The following CLEC4D variants were observed in gnomAD, a reference collection of about 807,000 sequenced individuals.
The protein encoded by CLEC4D is C-type (calcium dependent, carbohydrate-recognition domain) lectin, superfamily member 8.
CLEC4D carries 21 observed loss-of-function variants against 21.1 expected under a neutral mutation model. The ratio of observed to expected loss-of-function variants is 1.00; its 90% confidence interval spans 0.71 to 1.43. CLEC4D has a LOEUF of 1.43. Among genes scored for constraint, CLEC4D ranks in the 40% most tolerant of loss-of-function variants. CLEC4D has a pLI of 0.00. For synonymous variants in CLEC4D, 85 were observed against 83.1 expected (o/e 1.02, Z -0.12); for missense variants, 289 against 260.7 (o/e 1.11, Z -0.75).
At position 8,513,506 on chromosome 12, in the gene CLEC4D, T is replaced by A; in HGVS notation, c.-227T>A. 3 of 296,488 alleles carry A rather than the reference T, an allele frequency of 1.0e-5. No homozygotes were observed. The highest frequency in any genetic ancestry group is 2.2e-5 in the African/African-American group (1 of 44,640). 18.4% of individuals were successfully genotyped at this position (296,488 alleles called of 1,614,324 possible). ...ATTTCCTTTTTTTTTTTTTTTCGCCTCATCTCCCGGAATGTATCAAAGGAA... is the reference window on the plus strand; with the variant it reads ...ATTTCCTTTTTTTTTTTTTTTCGCCACATCTCCCGGAATGTATCAAAGGAA... On this transcript the variant is annotated 5_prime_UTR_variant, in exon 1 of 6. Transcript: ENST00000299665.
chr12:8,518,209 A>G lies in CLEC4D; in HGVS notation c.167A>G (p.His56Arg). The change falls in exon 3 of 6, where the codon CAC (histidine) becomes CGC (arginine). Residue 56 changes from histidine to arginine, a missense_variant. Transcript: ENST00000299665. ...CGCTGTAAGAGAGGCACAGGAGTGC[A>G]CAAGTTAGAGCACCATGCAAAGCTC... ...FSRCKRGTGV[H>R]KLEHHAKLKC... is the part of the protein sequence containing the mutation. The G allele has an allele frequency of 6.9e-7, 1 of 1,447,938 alleles. No individual in the cohort carries two copies. The highest frequency in any genetic ancestry group is 9.7e-7 in the Non-Finnish European group (1 of 1,028,530). The allele number at this position is 1,447,938 out of a possible 1,614,324, so 89.7% of individuals were successfully genotyped here.
chr12:8,525,098 T>G (rs981691410), downstream of CLEC4D, among the ~76,000 whole-genome samples: 1 of 152,232 alleles, frequency 6.6e-6, no homozygotes, highest in African/African-American at 2.4e-5. Flanking sequence ...TCGCATTTGC[T>G]GAGAAGTGCT....
intron 4 of CLEC4D, among the ~76,000 whole-genome samples, chr12:8,519,506 AC>A (rs1211573976): frequency 6.6e-6 from 1 of 152,042 alleles, no homozygotes; most frequent in African/African-American, 2.4e-5. Context: ...TCTTCCAGTG[AC>A]TTTTACTACG....
intron 2 of CLEC4D, among the ~76,000 whole-genome samples, chr12:8,517,468 G>T (rs1000246294): frequency 8.1e-6 from 1 of 123,668 alleles, no homozygotes; most frequent in Admixed American, 9.5e-5. Context: ...CCCCACAACA[G>T]GCCCCGGTGT....
downstream of CLEC4D, among the ~76,000 whole-genome samples, chr12:8,527,189 A>T (rs774550192): frequency 6.6e-6 from 1 of 152,288 alleles, no homozygotes; most frequent in African/African-American, 2.4e-5. Context: ...CACAGGGAGT[A>T]GGACCTGATT....
At chr12:8,518,980 A>G (rs369680662) in intron 3 of CLEC4D, 29 bp from the exon 4 acceptor site, 12 of 1,607,562 alleles carry the variant, frequency 7.5e-6, no homozygotes, top group Non-Finnish European at 9.3e-6. Context: ...CTCTTTTGTT[A>G]CCAATTTCCG....
intron 1 of CLEC4D, 90 bp downstream of exon 1, chr12:8,513,850 TTGA>T: frequency 1.3e-6 from 1 of 748,290 alleles, no homozygotes; most frequent in South Asian, 1.6e-5. Flanking sequence ...TTAAAGATTG[TTGA>T]TGATGACGGG....
At chr12:8,526,455 T>A (rs914959240), downstream of CLEC4D, among the ~76,000 whole-genome samples, 2 of 152,162 alleles carry the variant, frequency 1.3e-5, no homozygotes, top group African/African-American at 4.8e-5. Flanking sequence ...AACTCTGATA[T>A]CCTTTCTTCC....
intron 1 of CLEC4D, among the ~76,000 whole-genome samples, chr12:8,514,379 A>C (rs1397870242): frequency 6.6e-6 from 1 of 152,106 alleles, no homozygotes; most frequent in African/African-American, 2.4e-5. Context: ...TCATTGTGTG[A>C]AGGGACCATA....
the CLEC4D span, among the ~76,000 whole-genome samples, chr12:8,528,568 C>T: frequency 1.3e-5 from 2 of 152,116 alleles, no homozygotes; most frequent in Admixed American, 6.5e-5. Context: ...AAGACAAAGA[C>T]AGTAATTTCA....
At position 8,522,357 on chromosome 12, in the gene CLEC4D, T is replaced by G. The variant is rs1376867219; in HGVS notation, c.*1086T>G. The G allele has an allele frequency of 6.6e-6, 1 of 152,158 alleles. No individual in the cohort carries two copies. The highest frequency in any genetic ancestry group is 1.5e-5 in the Non-Finnish European group (1 of 68,002). The allele number at this position is 152,158 out of a possible 1,614,324, so 9.4% of individuals were successfully genotyped here. A position where few individuals can be genotyped will look rare whatever the true frequency, so the allele number is the denominator to read the frequency against. Reference sequence around the variant, plus strand: ...CCAACTTTAATAAAATATGGTGGTCTTTCTTAAAATTTTCAATTTGCTAAT... The same window carrying G: ...CCAACTTTAATAAAATATGGTGGTCGTTCTTAAAATTTTCAATTTGCTAAT... On this transcript the variant is annotated 3_prime_UTR_variant, in exon 6 of 6. Coordinates refer to ENST00000299665, the MANE Select transcript of CLEC4D (RefSeq NM_080387.5).
chr12:8,514,622 G>A (rs116573983), intron 1 of CLEC4D, among the ~76,000 whole-genome samples: 2 of 152,066 alleles, frequency 1.3e-5, no homozygotes, highest in East Asian at 3.8e-4. Flanking sequence ...AGTCCAGGCA[G>A]CAGCATTTAT....
chr12:8,529,179 A>G, the CLEC4D span, among the ~76,000 whole-genome samples: 2 of 152,332 alleles, frequency 1.3e-5, no homozygotes, highest in East Asian at 3.9e-4. Context: ...CAGATTGGGA[A>G]AGGAAGGAAA....
chr12:8,521,215 C>T lies in CLEC4D; in HGVS notation c.592C>T (p.Pro198Ser). The change falls in exon 6 of 6, where the codon CCT becomes TCT. Residue 198 changes from proline to serine, a missense_variant. Pro to Ser is a moderately conservative substitution (Grantham distance 74). Coordinates refer to ENST00000299665, the MANE Select transcript of CLEC4D (RefSeq NM_080387.5). ...AGATAAATGGGCCTGGAATGATGTT[C>T]CTTGTAACTTTGAAGCAAGTAGGAT... ...NQDKWAWNDV[P>S]CNFEASRICK... 4 of 1,613,352 alleles carry T rather than the reference C, an allele frequency of 2.5e-6. No homozygotes were observed. The highest frequency in any genetic ancestry group is 3.4e-6 in the Non-Finnish European group (4 of 1,179,560).
intron 5 of CLEC4D, 37 bp downstream of exon 5, chr12:8,520,378 A>G (rs1940443714): frequency 1.3e-6 from 2 of 1,594,856 alleles, no homozygotes. Flanking sequence ...ATTTATAAGC[A>G]AAGGTTAGAA....
At chr12:8,530,459 CAA>C in the CLEC4D span, among the ~76,000 whole-genome samples, 28 of 87,276 alleles carry the variant, frequency 3.2e-4, no homozygotes, top group Admixed American at 3.9e-4. Flanking sequence ...ATCAAGAAAG[CAA>C]AAAAAAAAAA....
intron 5 of CLEC4D, 149 bp from the exon 6 acceptor site, chr12:8,520,975 T>C (rs948688674): frequency 1.0e-6 from 1 of 977,304 alleles, no homozygotes; most frequent in Non-Finnish European, 1.4e-6. Flanking sequence ...TACATGTGTC[T>C]AGTGAGTATA....
At position 8,521,492 on chromosome 12, in the gene CLEC4D, A is replaced by G; in HGVS notation, c.*221A>G. ...GTGGTTTTTGTATGGTGTTTGATGG[A>G]AGGAATAATCTTTCTTTGCTTTCTT... On this transcript the variant is annotated 3_prime_UTR_variant, in exon 6 of 6. Coordinates refer to ENST00000299665, the MANE Select transcript of CLEC4D (RefSeq NM_080387.5). 2.1e-6 allele frequency: 2 copies of G among 938,888 alleles called. 1 individual carries two copies. 58.2% of individuals were successfully genotyped at this position (938,888 alleles called of 1,614,324 possible).
rs771992593 is a variant in CLEC4D, at chr12:8,518,222, C to A, written c.180C>A (p.His60Gln). ...GCACAGGAGTGCACAAGTTAGAGCACCATGCAAAGCTCAAATGCATCAAAG... is the reference window on the plus strand; with the variant it reads ...GCACAGGAGTGCACAAGTTAGAGCAACATGCAAAGCTCAAATGCATCAAAG... ...KRGTGVHKLE[H>Q]HAKLKCIKEK... The change falls in exon 3 of 6, where the codon CAC becomes CAA. Residue 60 changes from histidine (H) to glutamine (Q), a missense_variant. His to Gln is a conservative substitution (Grantham distance 24, BLOSUM62 0). Coordinates refer to ENST00000299665, the MANE Select transcript of CLEC4D (RefSeq NM_080387.5). 2.8e-6 allele frequency: 4 copies of A among 1,439,920 alleles called. No individual in the cohort carries two copies. The highest frequency in any genetic ancestry group is 1.4e-5 in the African/African-American group (1 of 71,712). 89.2% of individuals were successfully genotyped at this position (1,439,920 alleles called of 1,614,324 possible). A position where few individuals can be genotyped will look rare whatever the true frequency, so the allele number is the denominator to read the frequency against.
Sources: gnomAD v4.1 joint callset for allele counts (sites outside exome capture counted in the v4.1 genomes callset) on GRCh38, gnomAD v4.1.1 for gene constraint, MANE v1.5 for transcripts, NCBI Gene and HGNC (gene_info 2026-07-23, HGNC 2026-07-21) for gene names.